The following TMCC3 variants were observed in gnomAD, a reference collection of about 807,000 sequenced individuals.
The protein encoded by TMCC3 is transmembrane and coiled-coil domain protein 3.
In TMCC3, 28 loss-of-function variants were observed where a neutral mutation model predicts 40.2. That is an observed-to-expected ratio of 0.70 (90% CI 0.52 to 0.95). The LOEUF (loss-of-function observed/expected upper bound fraction) is 0.95, where lower values mean the gene tolerates loss of function less well. Among genes scored for constraint, TMCC3 ranks in the 40% least tolerant of loss-of-function variants. The pLI, the probability that TMCC3 is intolerant of heterozygous loss-of-function variation, is 0.00. For missense variants in TMCC3, 554 were observed against 615.2 expected, an observed-to-expected ratio of 0.90 and a Z score of 1.05; for synonymous variants, 255 against 248.5, an observed-to-expected ratio of 1.03 and a Z score of -0.25.
chr12:94,617,269 G>A (rs150553146), intron 1 of TMCC3, among the ~76,000 whole-genome samples: 1,903 of 152,290 alleles, frequency 0.012, 12 homozygotes, highest in Non-Finnish European at 0.021. Flanking sequence ...AAACAGCACT[G>A]GAGCCCATTG....
At chr12:94,612,218 TCG>T (rs1227502063) in intron 1 of TMCC3, among the ~76,000 whole-genome samples, 1 of 150,802 alleles carries the variant, frequency 6.6e-6, no homozygotes, top group Non-Finnish European at 1.5e-5. Context: ...CAGGCTGGTC[TCG>T]AACTCCTGGG....
At chr12:94,599,891 T>C (rs2068742222) in intron 1 of TMCC3, among the ~76,000 whole-genome samples, 1 of 152,152 alleles carries the variant, frequency 6.6e-6, no homozygotes, top group African/African-American at 2.4e-5. Flanking sequence ...GCCTACTTTT[T>C]GAGAGTATTA....
intron 1 of TMCC3, chr12:94,615,895 G>A: frequency 6.1e-6 from 6 of 982,758 alleles, no homozygotes; most frequent in Non-Finnish European, 7.3e-6. Context: ...CACTCTGGCT[G>A]AAACGGAAGA....
chr12:94,630,230 G>A lies in TMCC3; in HGVS notation c.78+20123C>T, dbSNP rs553718137. ...AGAACGTGTCGCTGCACTCCAGCCT[G>A]GGTGATAGAGAGCAAGACTCTGTCC... On this transcript the variant is annotated intron_variant, in intron 1 of 3. Coordinates refer to ENST00000261226, the MANE Select transcript of TMCC3 (RefSeq NM_020698.4). 2.0e-5 allele frequency among the ~76,000 whole-genome samples: 3 copies of A among 148,554 alleles called. No individual in the cohort carries two copies. In the South Asian group the frequency reaches 6.5e-4, roughly 32 times the overall value.
chr12:94,625,978 A>C (rs781407695), intron 1 of TMCC3, among the ~76,000 whole-genome samples: 1 of 152,188 alleles, frequency 6.6e-6, no homozygotes, highest in Non-Finnish European at 1.5e-5. Context: ...ACTACCCGAG[A>C]TTGGGTAATT....
At position 94,571,388 on chromosome 12, in the gene TMCC3, C is replaced by A; in HGVS notation, c.*47G>T. ...AATTTGGTAGTATGCACAGAGTTTT[C>A]TTTAAAATAAAAACTTGAAAGAACT... On this transcript the variant is annotated 3_prime_UTR_variant, in exon 4 of 4. Coordinates refer to ENST00000261226, the MANE Select transcript of TMCC3 (RefSeq NM_020698.4). 1 of 1,583,892 alleles carries A rather than the reference C, an allele frequency of 6.3e-7. No individual in the cohort carries two copies. The highest frequency in any genetic ancestry group is 1.2e-5 in the South Asian group (1 of 86,470).
chr12:94,585,333 A>T (rs890174261), intron 1 of TMCC3, among the ~76,000 whole-genome samples: 10 of 152,132 alleles, frequency 6.6e-5, no homozygotes, highest in African/African-American at 2.4e-4. Flanking sequence ...GGATTTTCTC[A>T]TATGCATGAT....
At chr12:94,598,659 T>A (rs1244300197) in intron 1 of TMCC3, 8 of 985,276 alleles carry the variant, frequency 8.1e-6, no homozygotes, top group Non-Finnish European at 9.6e-6. Context: ...CTCCAGCAGG[T>A]TCTACAGTCA....
chr12:94,596,889 TG>T (rs1275023053), intron 1 of TMCC3, among the ~76,000 whole-genome samples: 1 of 152,016 alleles, frequency 6.6e-6, no homozygotes, highest in Non-Finnish European at 1.5e-5. Flanking sequence ...GAACCACGAA[TG>T]GTTCATGGCT....
chr12:94,578,738 ACT>A (rs2068583097), intron 2 of TMCC3, among the ~76,000 whole-genome samples: 2 of 151,920 alleles, frequency 1.3e-5, no homozygotes, highest in South Asian at 2.1e-4. Flanking sequence ...TGGGGTCTTG[ACT>A]CTCTGTCCTT....
intron 2 of TMCC3, among the ~76,000 whole-genome samples, chr12:94,579,574 G>T (rs775944786): frequency 6.6e-6 from 1 of 152,144 alleles, no homozygotes; most frequent in East Asian, 1.9e-4. Context: ...GAAACAGGAT[G>T]TACTGTTTGG....
rs1424707697 is a variant in TMCC3, at chr12:94,632,385, GC to G, written c.78+17967del. Among the ~76,000 whole-genome samples, 4 of 152,240 alleles carry G rather than the reference GC, an allele frequency of 2.6e-5. No homozygotes were observed. In the East Asian group the frequency reaches 5.8e-4, roughly 22 times the overall value. Reference sequence around the variant, plus strand: ...AAATTATTGACTAGGTACAAAAACTGCCTAATAGCAAATTCAGAATAACTTT... The same window carrying G: ...AAATTATTGACTAGGTACAAAAACTGCTAATAGCAAATTCAGAATAACTTT... On this transcript the variant is annotated intron_variant, in intron 1 of 3. Coordinates refer to ENST00000261226, the MANE Select transcript of TMCC3 (RefSeq NM_020698.4).
At chr12:94,575,475 C>T (rs1415917507) in intron 3 of TMCC3, among the ~76,000 whole-genome samples, 2 of 152,174 alleles carry the variant, frequency 1.3e-5, no homozygotes, top group Non-Finnish European at 2.9e-5. Flanking sequence ...TCCAGGGTCA[C>T]ACAGCATAGG....
chr12:94,622,066 G>T (rs142372305), intron 1 of TMCC3, among the ~76,000 whole-genome samples: 1 of 152,148 alleles, frequency 6.6e-6, no homozygotes, highest in Non-Finnish European at 1.5e-5. Context: ...CAAAGTTTTC[G>T]GATCACACCA....
chr12:94,621,795 G>A (rs1414247899), intron 1 of TMCC3, among the ~76,000 whole-genome samples: 3 of 152,106 alleles, frequency 2.0e-5, no homozygotes, highest in African/African-American at 7.2e-5. Context: ...GTGTAATCAT[G>A]AGAGCCCCAG....
intron 1 of TMCC3, among the ~76,000 whole-genome samples, chr12:94,628,181 C>T (rs1480872606): frequency 6.6e-6 from 1 of 152,178 alleles, no homozygotes; most frequent in Non-Finnish European, 1.5e-5. Context: ...TTTTCCATAC[C>T]ACATGTTGTG....
chr12:94,632,421 T>A (rs1352286360), intron 1 of TMCC3, among the ~76,000 whole-genome samples: 1 of 152,208 alleles, frequency 6.6e-6, no homozygotes, highest in Non-Finnish European at 1.5e-5. Flanking sequence ...TATATTTGCT[T>A]TCAGGTAAAA....
In TMCC3 at chr12:94,571,647, T is replaced by G. The variant is rs778726204; in HGVS notation, c.1222A>C (p.Lys408Gln). ...QALQTDTVNA[K>Q]VLLGRCINVI... is the part of the protein sequence containing the mutation. ...TTGATGCACCTCCCCAGGAGAACTT[T>G]AGCATTCACGGTGTCTGTCTGCAGA... The change falls in exon 4 of 4, where the codon AAA becomes CAA. Residue 408 changes from lysine to glutamine, a missense_variant. Lys to Gln is a moderately conservative substitution (Grantham distance 53, BLOSUM62 1). Transcript: ENST00000261226. The G allele has an allele frequency of 5.6e-6, 9 of 1,614,202 alleles. No homozygotes were observed. The East Asian group carries it at 2.0e-4, about 36-fold the overall frequency.
At position 94,578,493 on chromosome 12, in the gene TMCC3, C is replaced by G; in HGVS notation, c.1032G>C (p.Thr344=). The G allele has an allele frequency of 3.1e-6, 5 of 1,614,114 alleles. No individual in the cohort carries two copies. The highest frequency in any genetic ancestry group is 4.2e-6 in the Non-Finnish European group (5 of 1,180,012). ...ERLEDQLHDL[T]DLHQHETANL... is the part of the protein sequence containing the mutation. The stretch of plus-strand genomic sequence containing the variant: ...TGGCTGTCTCATGCTGATGCAGGTC[C>G]GTCAGGTCATGCAGCTGGTCCTCCA... The change falls in exon 3 of 4, where the codon ACG becomes ACC. Residue 344 remains threonine (T), a synonymous_variant. Transcript: ENST00000261226.
Sources: allele counts gnomAD v4.1 joint callset (sites outside exome capture counted in the v4.1 genomes callset), GRCh38; gene constraint gnomAD v4.1.1; transcripts MANE v1.5; gene names NCBI Gene and HGNC (gene_info 2026-07-23, HGNC 2026-07-21).